SEMA4C: variants seen among roughly 807,000 people sequenced by gnomAD.
SEMA4C encodes semaphorin-4C.
A neutral mutation model predicts 89.0 loss-of-function variants in SEMA4C; 19 were observed. That is an observed-to-expected ratio of 0.21 (90% confidence interval 0.15 to 0.31). The LOEUF is 0.31. SEMA4C is among the 10% of genes least tolerant of loss of function. The pLI is 1.00. For missense variants in SEMA4C, 811 were observed against 1,107.0 expected (o/e 0.73, Z 3.79); for synonymous variants, 428 against 472.7 (o/e 0.91, Z 1.23).
upstream of SEMA4C, chr2:96,870,157 C>G (rs1246351800): frequency 1.7e-5 from 17 of 981,706 alleles, no homozygotes; most frequent in Non-Finnish European, 1.8e-5. Flanking sequence ...GGGCGGGCCG[C>G]GAAGGCTCGC....
At chr2:96,865,591 G>C in intron 5 of SEMA4C, 54 bp from the exon 6 acceptor site, 1 of 1,573,770 alleles carries the variant, frequency 6.4e-7, no homozygotes. Context: ...GGCTCTGTGG[G>C]CCACATCCAC....
In SEMA4C at chr2:96,864,004, T is replaced by C. The variant is rs1303645211; in HGVS notation, c.1252A>G (p.Thr418Ala). Residue 418 changes from threonine to alanine, a missense_variant, in exon 11 of 15, where the codon ACC becomes GCC. Physicochemically the swap from Thr to Ala is moderately conservative, Grantham distance 58 (BLOSUM62 0). Coordinates refer to ENST00000305476, the MANE Select transcript of SEMA4C (RefSeq NM_017789.5). This position sits in a 1 kb window ranked among gnomAD's most constrained non-coding sequence, Gnocchi z 6.3. ...TCGGCCACCAGGTGGGTGAAGTTGG[T>C]GCCCTTCTTCACGAGCAGGGGGCGG... The part of the protein sequence containing the change: ...WSRPLLVKKG[T>A]NFTHLVADRV... 28 of 1,613,476 alleles carry C rather than the reference T, an allele frequency of 1.7e-5. No individual in the cohort carries two copies. The highest frequency in any genetic ancestry group is 1.6e-4 in the Middle Eastern group (1 of 6,084).
chr2:96,868,387 G>A (rs1574157275), intron 1 of SEMA4C: 2 of 999,752 alleles, frequency 2.0e-6, no homozygotes, highest in East Asian at 2.1e-4. Context: ...CGGTGGGGTA[G>A]GCGGTCGGGA....
At chr2:96,867,995 G>A in intron 1 of SEMA4C, 72 bp from the exon 2 acceptor site, 2 of 1,566,422 alleles carry the variant, frequency 1.3e-6, no homozygotes, top group Admixed American at 1.9e-5. Context: ...CAGCAGGAGA[G>A]GCCACAGGAC....
intron 3 of SEMA4C, 25 bp from the exon 4 acceptor site, chr2:96,865,954 G>C: frequency 6.2e-7 from 1 of 1,612,038 alleles, no homozygotes; most frequent in East Asian, 2.2e-5. Context: ...GGGGATGTCA[G>C]CCACGTTACA....
At chr2:96,870,229 G>C (rs1414014137), upstream of SEMA4C, 3 of 985,364 alleles carry the variant, frequency 3.0e-6, no homozygotes, top group Middle Eastern at 5.2e-4. Context: ...CCGGGGGCTC[G>C]GACCTCCGCC....
At chr2:96,868,781 G>C (rs2080141131) in intron 1 of SEMA4C, 2 of 985,088 alleles carry the variant, frequency 2.0e-6, no homozygotes. Flanking sequence ...GGTTCCTCCC[G>C]GGCCGCTGGC....
In SEMA4C at chr2:96,861,104, A is replaced by G. The variant is rs764533544; in HGVS notation, c.2024T>C (p.Val675Ala). 18 of 1,611,894 alleles carry G rather than the reference A, an allele frequency of 1.1e-5. No homozygotes were observed. The highest frequency in any genetic ancestry group is 1.4e-5 in the Non-Finnish European group (16 of 1,179,774). ...VWLAVVALGA[V>A]CLVLLLLVLS... ...CACCAGCAGCAGCAGCACCAGGCACACAGCCCCCAGGGCCACCACCGCCAG... is the reference window on the plus strand; with the variant it reads ...CACCAGCAGCAGCAGCACCAGGCACGCAGCCCCCAGGGCCACCACCGCCAG... Residue 675 changes from valine (V) to alanine (A), a missense_variant, in exon 15 of 15, where the codon GTG (valine) becomes GCG (alanine). Around this residue, in one of 4 missense-constraint regions of SEMA4C, gnomAD observed 248 missense variants for 269.0 expected, o/e 0.92. Transcript: ENST00000305476. This position sits in a 1 kb window ranked among gnomAD's most constrained non-coding sequence, Gnocchi z 7.8.
chr2:96,861,192 C>T lies in SEMA4C; in HGVS notation c.1936G>A (p.Val646Met), dbSNP rs370503208. The change falls in exon 15 of 15, where the codon GTG becomes ATG. Residue 646 changes from valine to methionine, a missense_variant. Physicochemically the swap from Val to Met is conservative, Grantham distance 21 (BLOSUM62 1). This residue lies in a region of SEMA4C where 248 missense variants were observed against 269.0 expected (regional missense o/e 0.92). Transcript: ENST00000305476. This position sits in a 1 kb window ranked among gnomAD's most constrained non-coding sequence, Gnocchi z 7.8. ...LAAEGYLVAV[V>M]AGPSVTLEAR... Reference sequence around the variant, plus strand: ...TCCAAGGTCACCGACGGGCCTGCCACGACAGCCACAAGGTAGCCTTCAGCA... The same window carrying T: ...TCCAAGGTCACCGACGGGCCTGCCATGACAGCCACAAGGTAGCCTTCAGCA... The T allele has an allele frequency of 9.3e-5, 150 of 1,610,118 alleles. No homozygotes were observed. The highest frequency in any genetic ancestry group is 1.2e-4 in the Non-Finnish European group (141 of 1,179,700).
chr2:96,861,068 C>A lies in SEMA4C; in HGVS notation c.2060G>T (p.Arg687Leu). 1 of 1,612,794 alleles carries A rather than the reference C, an allele frequency of 6.2e-7. No homozygotes were observed. The highest frequency in any genetic ancestry group is 8.5e-7 in the Non-Finnish European group (1 of 1,179,992). ...LVLLLLVLSL[R>L]RRLREELEKG... ...CTCCAGCTCTTCCCGCAGCCGCCGG[C>A]GCAATGACAGCACCAGCAGCAGCAG... Residue 687 changes from arginine (R) to leucine (L), a missense_variant, in exon 15 of 15, where the codon CGC becomes CTC. Transcript: ENST00000305476. The surrounding 1 kb of genome is among the most constrained non-coding windows in gnomAD (Gnocchi z 7.8).
chr2:96,868,747 G>C, intron 1 of SEMA4C: 4 of 984,250 alleles, frequency 4.1e-6, no homozygotes, highest in Non-Finnish European at 4.8e-6. Flanking sequence ...GCGACGGGGG[G>C]AGGTAGGGGC....
At chr2:96,868,540 GGGAGCGAAGGGGCCCAGCTTC>G (rs2080134139) in intron 1 of SEMA4C, 1 of 985,854 alleles carries the variant, frequency 1.0e-6, no homozygotes, top group Non-Finnish European at 1.2e-6. Flanking sequence ...GAGAAGGGCC[GGGAGCGAAGGGGCCCAGCTTC>G]CCGAGGCCCC....
At position 96,867,921 on chromosome 2, in the gene SEMA4C, G is replaced by A; in HGVS notation, c.-35C>T. 1 of 1,613,132 alleles carries A rather than the reference G, an allele frequency of 6.2e-7. No homozygotes were observed. Among genetic ancestry groups the A allele is most frequent in the Non-Finnish European group, 8.5e-7 (1 of 1,179,958 alleles). On this transcript the variant is annotated splice_region_variant and 5_prime_UTR_variant, in exon 2 of 15. Transcript: ENST00000305476. Reference sequence around the variant, plus strand: ...CCCGGCTCTGAGCTTCAGGCCAGCTGTCCTGCTGAGGGAAAAGACATGGTC... The same window carrying A: ...CCCGGCTCTGAGCTTCAGGCCAGCTATCCTGCTGAGGGAAAAGACATGGTC...
rs912793378 is a variant in SEMA4C at position 96,867,801 on chromosome 2, G to A, written c.86C>T (p.Pro29Leu). 1 of 1,613,194 alleles carries A rather than the reference G, an allele frequency of 6.2e-7. No homozygotes were observed. Among genetic ancestry groups the A allele is most frequent in the African/African-American group, 1.3e-5 (1 of 74,890 alleles). ...ACCCCCAGAAGACACTGTCTTACGCGGCACAAGGTTCCACCACACCTCAGC... is the reference window on the plus strand; with the variant it reads ...ACCCCCAGAAGACACTGTCTTACGCAGCACAAGGTTCCACCACACCTCAGC... ...IGAEVWWNLV[P>L]RKTVSSGELA... is the part of the protein sequence containing the mutation. The change falls in exon 2 of 15, where the codon CCG (proline) becomes CTG (leucine). Residue 29 changes from proline to leucine, a missense_variant. By Grantham distance (98) the Pro-to-Leu change is moderately conservative (BLOSUM62 -3). Around this residue, in one of 4 missense-constraint regions of SEMA4C, gnomAD observed 119 missense variants for 152.7 expected, o/e 0.78. Transcript: ENST00000305476.
rs1559036163 is a variant in SEMA4C at position 96,866,356 on chromosome 2, G to T, written c.185C>A (p.Thr62Asn). ...TCGGGCGCCCACGTACAGAAGCCCA[G>T]TGGGCTCCGTCAGCGTCAGTGTCAG... Reference protein sequence around the residue: ...DFLTLTLTEPTGLLYVGAREA... With the variant: ...DFLTLTLTEPNGLLYVGAREA... Residue 62 changes from threonine (T) to asparagine (N), a missense_variant, in exon 3 of 15, where the codon ACT becomes AAT. Thr to Asn is a moderately conservative substitution (Grantham distance 65). Transcript: ENST00000305476. 1.9e-6 allele frequency: 3 copies of T among 1,613,824 alleles called. No homozygotes were observed. In the African/African-American group the frequency reaches 4.0e-5, roughly 22 times the overall value.
At chr2:96,870,633 A>G, upstream of SEMA4C, 3 of 985,480 alleles carry the variant, frequency 3.0e-6, no homozygotes, top group Non-Finnish European at 3.6e-6. Context: ...TTCACCAGCC[A>G]GGAAGACCCT....
chr2:96,868,052 C>T lies in SEMA4C; in HGVS notation c.-37-129G>A, dbSNP rs1383548703. The T allele has an allele frequency of 4.7e-6, 6 of 1,269,306 alleles. No individual in the cohort carries two copies. In the African/African-American group the frequency reaches 6.0e-5, roughly 13 times the overall value. The allele number at this position is 1,269,306 out of a possible 1,614,324, so 78.6% of individuals were successfully genotyped here. A position where few individuals can be genotyped will look rare whatever the true frequency, so the allele number is the denominator to read the frequency against. On this transcript the variant is annotated intron_variant, in intron 1 of 14. Transcript: ENST00000305476. ...GCCCCGGTGCCCTCCTTCCCCTTCT[C>T]TTTGGAGGTGGACCTAAGTCCCCAC...
rs2080024215 is a variant in SEMA4C at position 96,864,495 on chromosome 2, G to A, written c.963-113C>T. 1 of 1,500,654 alleles carries A rather than the reference G, an allele frequency of 6.7e-7. No homozygotes were observed. The highest frequency in any genetic ancestry group is 1.4e-5 in the African/African-American group (1 of 72,916). The allele number at this position is 1,500,654 out of a possible 1,614,324, so 93.0% of individuals were successfully genotyped here. On this transcript the variant is annotated intron_variant, in intron 9 of 14. Coordinates refer to ENST00000305476, the MANE Select transcript of SEMA4C (RefSeq NM_017789.5). The surrounding 1 kb of genome is among the most constrained non-coding windows in gnomAD (Gnocchi z 6.3). ...TGGCACAAACTGGCCATGGGTACCA[G>A]AATGCCCTGGCAGCTCAAGTGCCAC...
At position 96,864,016 on chromosome 2, in the gene SEMA4C, C is replaced by T. The variant is rs145743344; in HGVS notation, c.1240G>A (p.Val414Met). ...VGPRWSRPLLVKKGTNFTHLV... is the reference protein window; with the variant it reads ...VGPRWSRPLLMKKGTNFTHLV... ...TGGGTGAAGTTGGTGCCCTTCTTCA[C>T]GAGCAGGGGGCGGCTCCACCGAGGC... The change falls in exon 11 of 15, where the codon GTG (valine) becomes ATG (methionine). Residue 414 changes from valine to methionine, a missense_variant. Val to Met is a conservative substitution (Grantham distance 21). Transcript: ENST00000305476. This position sits in a 1 kb window ranked among gnomAD's most constrained non-coding sequence, Gnocchi z 6.3. 39 of 1,613,078 alleles carry T rather than the reference C, an allele frequency of 2.4e-5. No individual in the cohort carries two copies. The highest frequency in any genetic ancestry group is 3.3e-4 in the Middle Eastern group (2 of 6,084).
Sources: gnomAD v4.1 joint callset for allele counts on GRCh38, gnomAD v4.1.1 for gene constraint, gnomAD v4.1.1 regional missense constraint, Gnocchi (gnomAD v3.1) non-coding constraint, MANE v1.5 for transcripts, NCBI Gene and HGNC (gene_info 2026-07-23, HGNC 2026-07-21) for gene names.